The following NICN1 variants were observed in gnomAD, a reference collection of about 807,000 sequenced individuals.
NICN1 encodes nicolin 1, tubulin polyglutamylase complex subunit, also known as nicolin-1.
A neutral mutation model predicts 26.3 loss-of-function variants in NICN1; 18 were observed. The ratio of observed to expected loss-of-function variants is 0.68; its 90% CI spans 0.47 to 1.01. NICN1 has a LOEUF of 1.01. NICN1 is among the 50% of genes least tolerant of loss of function. The probability of loss-of-function intolerance (pLI) is 0.00; values close to 1 mark genes in which losing one functional copy is unlikely to be tolerated. For missense variants in NICN1, 239 were observed against 278.3 expected (o/e 0.86, Z 1.00); for synonymous variants, 109 against 111.0 (o/e 0.98, Z 0.11).
chr3:49,424,845 G>A lies in NICN1; in HGVS notation c.630C>T (p.Leu210=), dbSNP rs2049157859. Residue 210 remains leucine, a synonymous_variant, in exon 6 of 6, where the codon CTC becomes CTT. Coordinates refer to ENST00000273598, the MANE Select transcript of NICN1 (RefSeq NM_032316.3). Reference sequence around the variant, plus strand: ...TAGGAGCAACCATTCAAGTGTAGGAGAGCAAGTTCAGGTCATAACAGCCAT... The same window carrying A: ...TAGGAGCAACCATTCAAGTGTAGGAAAGCAAGTTCAGGTCATAACAGCCAT... The part of the protein sequence containing the change: ...DVDGCYDLNL[L]SYT The A allele has an allele frequency of 6.2e-7, 1 of 1,613,844 alleles. No individual in the cohort carries two copies. The highest frequency in any genetic ancestry group is 1.3e-5 in the African/African-American group (1 of 74,906).
chr3:49,428,283 T>C (rs188821185), intron 1 of NICN1, among the ~76,000 whole-genome samples: 2 of 151,658 alleles, frequency 1.3e-5, no homozygotes, highest in Admixed American at 6.6e-5. Flanking sequence ...TGCCACGCCA[T>C]TGGAGGTGGG....
chr3:49,427,276 G>A (rs1279552217), intron 1 of NICN1, among the ~76,000 whole-genome samples: 5 of 142,994 alleles, frequency 3.5e-5, no homozygotes, highest in African/African-American at 5.2e-5. Flanking sequence ...AGCTGAGATC[G>A]CGCCATTCCA....
rs768343793 is a variant in NICN1, at chr3:49,422,473, C to A, written c.*2360G>T. 48 of 1,609,624 alleles carry A rather than the reference C, an allele frequency of 3.0e-5. No individual in the cohort carries two copies. In the South Asian group the frequency reaches 5.1e-4, roughly 17 times the overall value. Reference sequence around the variant, plus strand: ...CATCGTCGCCTGCAACGAGTGCAGACGGCGCACAGAGGCCACCACACTGCC... The same window carrying A: ...CATCGTCGCCTGCAACGAGTGCAGAAGGCGCACAGAGGCCACCACACTGCC... On this transcript the variant is annotated 3_prime_UTR_variant, in exon 6 of 6. Coordinates refer to ENST00000273598, the MANE Select transcript of NICN1 (RefSeq NM_032316.3).
Position 49,429,293 on chromosome 3 carries a change from G to A in NICN1, c.-54C>T. 11 of 1,522,910 alleles carry A rather than the reference G, an allele frequency of 7.2e-6. No homozygotes were observed. Among genetic ancestry groups the A allele is most frequent in the Non-Finnish European group, 9.7e-6 (11 of 1,130,358 alleles). The allele number at this position is 1,522,910 out of a possible 1,614,324, so 94.3% of individuals were successfully genotyped here. A position where few individuals can be genotyped will look rare whatever the true frequency, so the allele number is the denominator to read the frequency against. On this transcript the variant is annotated 5_prime_UTR_variant, in exon 1 of 6. Coordinates refer to ENST00000273598, the MANE Select transcript of NICN1 (RefSeq NM_032316.3). ...CGCCGCTCTAGGCCCCCGACCACCA[G>A]CCCTTCCCGGCATCCTCAGCCGAGC...
chr3:49,428,201 C>T (rs1281975976), intron 1 of NICN1, among the ~76,000 whole-genome samples: 6 of 151,278 alleles, frequency 4.0e-5, no homozygotes, highest in Admixed American at 4.0e-4. Context: ...GCCTGGGCAA[C>T]AAGAGTGAAC....
rs1005591446 is a variant in NICN1 at position 49,424,531 on chromosome 3, A to G, written c.*302T>C. ...GAGCAGGCAGAAGACAGGAATGTGC[A>G]TGTTGCCAGAAGGGGCAGAGGGCAC... On this transcript the variant is annotated 3_prime_UTR_variant, in exon 6 of 6. Transcript: ENST00000273598. 4 of 548,478 alleles carry G rather than the reference A, an allele frequency of 7.3e-6. No individual in the cohort carries two copies. Among genetic ancestry groups the G allele is most frequent in the African/African-American group, 5.7e-5 (3 of 52,840 alleles). 34.0% of individuals were successfully genotyped at this position (548,478 alleles called of 1,614,324 possible).
intron 1 of NICN1, among the ~76,000 whole-genome samples, chr3:49,426,874 A>G (rs1234637523): frequency 1.3e-5 from 2 of 152,166 alleles, no homozygotes; most frequent in African/African-American, 2.4e-5. Context: ...AGGTGCTCAC[A>G]GTCTAAATGA....
rs146738423 is a variant in NICN1 at position 49,422,767 on chromosome 3, G to A, written c.*2066C>T. The A allele has an allele frequency of 4.2e-6, 2 of 480,950 alleles. No homozygotes were observed. Among genetic ancestry groups the A allele is most frequent in the African/African-American group, 3.9e-5 (2 of 51,196 alleles). The allele number at this position is 480,950 out of a possible 1,614,324, so 29.8% of individuals were successfully genotyped here. A position where few individuals can be genotyped will look rare whatever the true frequency, so the allele number is the denominator to read the frequency against. On this transcript the variant is annotated 3_prime_UTR_variant, in exon 6 of 6. Transcript: ENST00000273598. ...ACCGCCCTGTCTCCAGAGGGTCAAAGTTCTGGAAAGGGCTGAAAGGTCTGA... is the reference window on the plus strand; with the variant it reads ...ACCGCCCTGTCTCCAGAGGGTCAAAATTCTGGAAAGGGCTGAAAGGTCTGA...
At position 49,426,402 on chromosome 3, in the gene NICN1, G is replaced by T; in HGVS notation, c.159C>A (p.Tyr53Ter). 2 of 1,614,176 alleles carry T rather than the reference G, an allele frequency of 1.2e-6. No homozygotes were observed. Among genetic ancestry groups the T allele is most frequent in the South Asian group, 2.2e-5 (2 of 91,088 alleles). The change falls in exon 2 of 6, where the codon TAC becomes TAA. Residue 53 changes from tyrosine (Y) to a stop codon, truncating the protein, a stop_gained. Transcript: ENST00000273598. LOFTEE classifies it high-confidence loss of function. ...FELQEITFKN[Y>*]YTAFLSIRVR... ...CACGGATGCTCAAAAAAGCTGTGTAGTAATTCTTAAACGTGATTTCCTGCA... is the reference window on the plus strand; with the variant it reads ...CACGGATGCTCAAAAAAGCTGTGTATTAATTCTTAAACGTGATTTCCTGCA...
rs2049169459 is a variant in NICN1, at chr3:49,426,293, C to T, written c.268G>A (p.Glu90Lys). The T allele has an allele frequency of 6.2e-7, 1 of 1,614,238 alleles. No individual in the cohort carries two copies. Among genetic ancestry groups the T allele is most frequent in the Non-Finnish European group, 8.5e-7 (1 of 1,180,038 alleles). ...GATACATACTCCTGGGCTCCCTCCT[C>T]ACTGTGTGGGTCAGGCATTAGGCAG... ...DYCLMPDPHS[E>K]EGAQEYVSLF... Residue 90 changes from glutamate to lysine, a missense_variant, in exon 2 of 6, where the codon GAG becomes AAG. Physicochemically the swap from Glu to Lys is moderately conservative, Grantham distance 56. Coordinates refer to ENST00000273598, the MANE Select transcript of NICN1 (RefSeq NM_032316.3).
At chr3:49,425,229 C>T in intron 4 of NICN1, 138 bp downstream of exon 4, 1 of 845,406 alleles carries the variant, frequency 1.2e-6, no homozygotes, top group Non-Finnish European at 2.0e-6. Flanking sequence ...TGCCTCAAAT[C>T]CCACAGAATA....
At chr3:49,425,192 G>C in intron 4 of NICN1, 139 bp from the exon 5 acceptor site, 1 of 822,780 alleles carries the variant, frequency 1.2e-6, no homozygotes, top group Non-Finnish European at 2.0e-6. Flanking sequence ...CATGAGGTTA[G>C]GGCCTGATGT....
intron 2 of NICN1, 113 bp from the exon 3 acceptor site, chr3:49,426,109 A>G (rs1364393179): frequency 9.1e-7 from 1 of 1,102,200 alleles, no homozygotes; most frequent in Non-Finnish European, 1.3e-6. Flanking sequence ...AGGAAGGAAC[A>G]GTAGTCCCTC....
chr3:49,429,030 T>G (rs2107944045), intron 1 of NICN1, 78 bp downstream of exon 1: 2 of 1,393,956 alleles, frequency 1.4e-6, no homozygotes, highest in Admixed American at 4.6e-5. Context: ...CCATAAAAGA[T>G]TAAATGCCTG....
chr3:49,425,788 C>T lies in NICN1; in HGVS notation c.423+95G>A, dbSNP rs370452094. 59 of 652,574 alleles carry T rather than the reference C, an allele frequency of 9.0e-5. No homozygotes were observed. The East Asian group carries it at 1.0e-3, about 11-fold the overall frequency. The allele number at this position is 652,574 out of a possible 1,614,324, so 40.4% of individuals were successfully genotyped here. A position where few individuals can be genotyped will look rare whatever the true frequency, so the allele number is the denominator to read the frequency against. ...CTAACCTCCATGAAGGCCCCATTCA[C>T]AATCTTCACCCATTACCCACCCCAC... On this transcript the variant is annotated intron_variant, in intron 3 of 5. Coordinates refer to ENST00000273598, the MANE Select transcript of NICN1 (RefSeq NM_032316.3).
In NICN1 at chr3:49,424,967, T is replaced by A; in HGVS notation, c.582A>T (p.Ala194=). The change falls in exon 5 of 6, where the codon GCA becomes GCT. Residue 194 remains alanine (A), a synonymous_variant. Transcript: ENST00000273598. The stretch of plus-strand genomic sequence containing the variant: ...TACTTACATCAAAGCGGCCGATCCT[T>A]GCGGAGGTGTGACTGGCCCGGATCA... ...TEMIRASHTS[A]RIGRFDVDGC... 6.2e-7 allele frequency: 1 copy of A among 1,614,054 alleles called. No individual in the cohort carries two copies. The highest frequency in any genetic ancestry group is 8.5e-7 in the Non-Finnish European group (1 of 1,180,012).
At position 49,422,679 on chromosome 3, in the gene NICN1, G is replaced by C. The variant is rs995861547; in HGVS notation, c.*2154C>G. ...TTCGGCTGACTCTTCAGGGCAGCTCGGGCAATCCAGAGCTGATTGGGCTGC... is the reference window on the plus strand; with the variant it reads ...TTCGGCTGACTCTTCAGGGCAGCTCCGGCAATCCAGAGCTGATTGGGCTGC... On this transcript the variant is annotated 3_prime_UTR_variant, in exon 6 of 6. Coordinates refer to ENST00000273598, the MANE Select transcript of NICN1 (RefSeq NM_032316.3). 2.9e-6 allele frequency: 2 copies of C among 681,924 alleles called. No homozygotes were observed. Among genetic ancestry groups the C allele is most frequent in the Non-Finnish European group, 5.3e-6 (2 of 374,802 alleles). 42.2% of individuals were successfully genotyped at this position (681,924 alleles called of 1,614,324 possible). A position where few individuals can be genotyped will look rare whatever the true frequency, so the allele number is the denominator to read the frequency against.
chr3:49,422,637 A>T lies in NICN1; in HGVS notation c.*2196T>A. On this transcript the variant is annotated 3_prime_UTR_variant, in exon 6 of 6. Transcript: ENST00000273598. ...AATGCAGGAACCCGCAACCACAGGG[A>T]AGAAGCCTCCAGCTCTTTCGGCTGA... The T allele has an allele frequency of 1.4e-6, 1 of 721,760 alleles. No individual in the cohort carries two copies. Among genetic ancestry groups the T allele is most frequent in the African/African-American group, 1.7e-5 (1 of 57,608 alleles). The allele number at this position is 721,760 out of a possible 1,614,324, so 44.7% of individuals were successfully genotyped here. A position where few individuals can be genotyped will look rare whatever the true frequency, so the allele number is the denominator to read the frequency against.
Position 49,422,857 on chromosome 3 carries a change from C to T in NICN1, c.*1976G>A. ...GGGTGGGGAAGGTGGGCCAGCCTGG[C>T]AGGTAGGCAGCACCACAGTAGTCTG... On this transcript the variant is annotated 3_prime_UTR_variant, in exon 6 of 6. Transcript: ENST00000273598. 1 of 358,762 alleles carries T rather than the reference C, an allele frequency of 2.8e-6. No homozygotes were observed. The highest frequency in any genetic ancestry group is 5.5e-6 in the Non-Finnish European group (1 of 183,262). The allele number at this position is 358,762 out of a possible 1,614,324, so 22.2% of individuals were successfully genotyped here.
Sources: allele counts gnomAD v4.1 joint callset (sites outside exome capture counted in the v4.1 genomes callset), GRCh38; gene constraint gnomAD v4.1.1; transcripts MANE v1.5; gene names NCBI Gene and HGNC (gene_info 2026-07-23, HGNC 2026-07-21).